Variants in SPOCK3 observed in about 807,000 individuals in gnomAD.
SPOCK3 encodes the protein testican-3.
In SPOCK3, 30 loss-of-function variants were observed where a neutral mutation model predicts 56.6. The observed-to-expected ratio is 0.53, with a 90% CI of 0.40 to 0.72. SPOCK3 has a LOEUF of 0.72. SPOCK3 is among the 30% of genes least tolerant of loss of function. The pLI is 0.00. For synonymous variants in SPOCK3, 196 were observed against 183.3 expected (o/e 1.07, Z -0.56); for missense variants, 527 against 530.0 (o/e 0.99, Z 0.06).
At chr4:166,899,252 A>ATCTG (rs1031921506) in intron 5 of SPOCK3, among the ~76,000 whole-genome samples, 4 of 107,228 alleles carry the variant, frequency 3.7e-5, no homozygotes, top group South Asian at 7.7e-4. Flanking sequence ...ATATCTATCT[A>ATCTG]TCTATCTATC....
intron 3 of SPOCK3, 85 bp downstream of exon 3, chr4:167,062,407 C>G: frequency 5.7e-6 from 6 of 1,056,490 alleles, no homozygotes; most frequent in Non-Finnish European, 8.3e-6. Flanking sequence ...ATTTTCAAGC[C>G]TAACCAGACA....
intron 3 of SPOCK3, among the ~76,000 whole-genome samples, chr4:167,050,229 C>G (rs1479589005): frequency 6.6e-6 from 1 of 152,086 alleles, no homozygotes; most frequent in East Asian, 1.9e-4. Context: ...AATAAGAACT[C>G]TTTCTACACA....
rs138775548 is a variant in SPOCK3 at position 166,978,697 on chromosome 4, G to A, written c.350+21652C>T. Among the ~76,000 whole-genome samples the A allele has an allele frequency of 2.6e-5, 4 of 152,248 alleles. No homozygotes were observed. The East Asian group carries it at 7.7e-4, about 29-fold the overall frequency. ...GAAAGAGGAGAAGGAGGAAGAGGAG[G>A]GGGAGAAGGAGAAGAAGGAAGACGG... is the stretch of plus-strand genomic sequence containing the variant. On this transcript the variant is annotated intron_variant, in intron 4 of 10. Transcript: ENST00000357545.
At chr4:167,206,316 C>A (rs1734327610) in intron 2 of SPOCK3, among the ~76,000 whole-genome samples, 1 of 151,854 alleles carries the variant, frequency 6.6e-6, no homozygotes, top group Admixed American at 6.6e-5. Context: ...AGAAGTGAAA[C>A]TCCATCTTGA....
At chr4:166,950,506 G>A (rs1389703670) in intron 4 of SPOCK3, among the ~76,000 whole-genome samples, 1 of 151,848 alleles carries the variant, frequency 6.6e-6, no homozygotes, top group Non-Finnish European at 1.5e-5. Flanking sequence ...ACACCCCGCT[G>A]TCAACATTAG....
chr4:166,981,095 G>A (rs1746518658), intron 4 of SPOCK3, among the ~76,000 whole-genome samples: 1 of 152,216 alleles, frequency 6.6e-6, no homozygotes, highest in Admixed American at 6.5e-5. Flanking sequence ...CCTGAAATGG[G>A]TAGCTCCTTT....
At chr4:167,071,304 A>G (rs977939067) in intron 2 of SPOCK3, among the ~76,000 whole-genome samples, 5 of 152,114 alleles carry the variant, frequency 3.3e-5, no homozygotes, top group African/African-American at 7.2e-5. Context: ...GGTTTGTTAC[A>G]TAGGTATACA....
At chr4:167,031,792 T>C (rs1032919197) in intron 3 of SPOCK3, among the ~76,000 whole-genome samples, 11 of 152,048 alleles carry the variant, frequency 7.2e-5, no homozygotes, top group African/African-American at 2.7e-4. Context: ...TTCATGCCAA[T>C]GTGTTTGTAT....
At chr4:167,019,203 C>A (rs1278318541) in intron 3 of SPOCK3, among the ~76,000 whole-genome samples, 2 of 152,042 alleles carry the variant, frequency 1.3e-5, no homozygotes, top group African/African-American at 4.8e-5. Context: ...AGTGGTCTTG[C>A]ATTTTGAGTT....
chr4:166,735,172 A>G (rs1266741125), intron 10 of SPOCK3, 82 bp from the exon 11 acceptor site: 2 of 840,040 alleles, frequency 2.4e-6, no homozygotes, highest in African/African-American at 3.6e-5. Context: ...TATAAAAATT[A>G]AGAATATTTT....
At chr4:166,905,495 G>A (rs182283991) in intron 5 of SPOCK3, among the ~76,000 whole-genome samples, 7 of 151,896 alleles carry the variant, frequency 4.6e-5, no homozygotes, top group Admixed American at 6.6e-5. Flanking sequence ...TAATTAACAC[G>A]GGCTTAAGCA....
chr4:167,168,930 G>A (rs1730249067), intron 2 of SPOCK3, among the ~76,000 whole-genome samples: 1 of 152,106 alleles, frequency 6.6e-6, no homozygotes, highest in Admixed American at 6.6e-5. Context: ...CTTTAGCTAT[G>A]GCTAAAAGGA....
chr4:166,812,394 T>C (rs2126729063), intron 6 of SPOCK3, among the ~76,000 whole-genome samples: 1 of 152,054 alleles, frequency 6.6e-6, no homozygotes, highest in East Asian at 1.9e-4. Context: ...GAATTAAAGT[T>C]AACATAAAGT....
chr4:166,751,556 G>C (rs1491000468), intron 8 of SPOCK3, among the ~76,000 whole-genome samples: 2 of 152,096 alleles, frequency 1.3e-5, no homozygotes, highest in Non-Finnish European at 2.9e-5. Context: ...TTCATAATGT[G>C]AAGTTATTGA....
intron 2 of SPOCK3, among the ~76,000 whole-genome samples, chr4:167,124,932 G>T (rs1405410594): frequency 6.6e-6 from 1 of 152,092 alleles, no homozygotes. Flanking sequence ...GCCTCTGCTT[G>T]AATGTCCTCC....
intron 2 of SPOCK3, among the ~76,000 whole-genome samples, chr4:167,097,464 T>C (rs969058715): frequency 8.6e-5 from 13 of 151,994 alleles, no homozygotes; most frequent in African/African-American, 2.9e-4. Flanking sequence ...TGTAATCTAC[T>C]ATTATTATTC....
intron 4 of SPOCK3, among the ~76,000 whole-genome samples, chr4:166,958,135 A>G (rs964777175): frequency 6.6e-6 from 1 of 152,076 alleles, no homozygotes; most frequent in Non-Finnish European, 1.5e-5. Flanking sequence ...ATTTCTCATG[A>G]ATGGTTTAAC....
intron 2 of SPOCK3, among the ~76,000 whole-genome samples, chr4:167,175,632 C>T (rs1730917736): frequency 6.6e-6 from 1 of 152,126 alleles, no homozygotes. Flanking sequence ...AACACAGAAA[C>T]ATGCACAGAG....
intron 2 of SPOCK3, among the ~76,000 whole-genome samples, chr4:167,197,552 TAA>T (rs1561312447): frequency 6.6e-6 from 1 of 151,928 alleles, no homozygotes; most frequent in South Asian, 2.1e-4. Flanking sequence ...GCTCAAAAGT[TAA>T]GTTTCCTTAA....
Sources: gnomAD v4.1 joint callset for allele counts (sites outside exome capture counted in the v4.1 genomes callset) on GRCh38, gnomAD v4.1.1 for gene constraint, MANE v1.5 for transcripts, NCBI Gene and HGNC (gene_info 2026-07-23, HGNC 2026-07-21) for gene names.